Variants in SGCZ observed in about 807,000 individuals in gnomAD.
The protein encoded by SGCZ is sarcoglycan zeta, also known as zeta-sarcoglycan.
SGCZ carries 40 observed loss-of-function variants against 41.3 expected under a neutral mutation model. The observed-to-expected ratio is 0.97, with a 90% CI of 0.75 to 1.26. The LOEUF is 1.26. Ranked by LOEUF, SGCZ falls within the 50% of genes most tolerant of loss-of-function variation. SGCZ has a pLI of 0.00. For missense variants in SGCZ, 552 were observed against 369.8 expected, an observed-to-expected ratio of 1.49 and a Z score of -4.04; for synonymous variants, 206 against 137.5, an observed-to-expected ratio of 1.50 and a Z score of -3.49.
At chr8:14,709,540 G>T (rs987266254) in intron 1 of SGCZ, among the ~76,000 whole-genome samples, 2 of 152,122 alleles carry the variant, frequency 1.3e-5, no homozygotes, top group Non-Finnish European at 2.9e-5. Flanking sequence ...TCAGTCAATA[G>T]GTTTGCTAAT....
chr8:14,513,326 C>T (rs1008911064), intron 2 of SGCZ, among the ~76,000 whole-genome samples: 1 of 152,108 alleles, frequency 6.6e-6, no homozygotes, highest in African/African-American at 2.4e-5. Flanking sequence ...GCATGAGCCA[C>T]AGTGCCAAAC....
intron 1 of SGCZ, among the ~76,000 whole-genome samples, chr8:15,120,120 C>T (rs1807424836): frequency 6.6e-6 from 1 of 152,230 alleles, no homozygotes. Context: ...TGTTGGGTTA[C>T]AGGCATGAGC....
intron 1 of SGCZ, among the ~76,000 whole-genome samples, chr8:14,722,829 T>C (rs577852508): frequency 8.3e-4 from 126 of 152,302 alleles, no homozygotes; most frequent in Non-Finnish European, 1.3e-3. Context: ...TTTTTATGTA[T>C]ATTTATATAA....
chr8:15,104,210 A>G (rs1179532919), intron 1 of SGCZ, among the ~76,000 whole-genome samples: 1 of 152,214 alleles, frequency 6.6e-6, no homozygotes, highest in Non-Finnish European at 1.5e-5. Flanking sequence ...CCTCAAAACA[A>G]TCCCTTGCAC....
Position 15,186,262 on chromosome 8 carries a change from CAAAAAAAAAAAAAA to C in SGCZ, c.39+51309_39+51322del, listed in dbSNP as rs61237091. On this transcript the variant is annotated intron_variant, in intron 1 of 7. Coordinates refer to ENST00000382080, the MANE Select transcript of SGCZ (RefSeq NM_139167.4). Reference sequence around the variant, plus strand: ...GGGCAACAGAGGGAAGATTCCGTACCAAAAAAAAAAAAAAAAAAAAAAAAAAAAAAAAAAAAAAG... The same window carrying C: ...GGGCAACAGAGGGAAGATTCCGTACCAAAAAAAAAAAAAAAAAAAAAAAAG... Among the ~76,000 whole-genome samples, 370 of 80,648 alleles carry C rather than the reference CAAAAAAAAAAAAAA, an allele frequency of 4.6e-3. 3 individuals are homozygous for C. Among genetic ancestry groups the C allele is most frequent in the African/African-American group, 0.021 (317 of 15,382 alleles). 52.9% of individuals were successfully genotyped at this position (80,648 alleles called of 152,430 possible).
intron 1 of SGCZ, among the ~76,000 whole-genome samples, chr8:14,765,149 C>T: frequency 6.6e-6 from 1 of 152,144 alleles, no homozygotes; most frequent in East Asian, 1.9e-4. Flanking sequence ...ACCCACAATC[C>T]CGGGAAAGCT....
At chr8:14,390,812 G>C (rs1804744396) in intron 2 of SGCZ, among the ~76,000 whole-genome samples, 1 of 151,890 alleles carries the variant, frequency 6.6e-6, no homozygotes, top group Non-Finnish European at 1.5e-5. Context: ...TCTAAAGCGT[G>C]TATATTTTTC....
chr8:15,072,897 G>A (rs1805405436), intron 1 of SGCZ, among the ~76,000 whole-genome samples: 1 of 152,126 alleles, frequency 6.6e-6, no homozygotes, highest in African/African-American at 2.4e-5. Context: ...TCTCTCTAGG[G>A]TCCAGAAAGA....
intron 1 of SGCZ, among the ~76,000 whole-genome samples, chr8:14,754,793 C>T (rs182947312): frequency 6.6e-6 from 1 of 152,230 alleles, no homozygotes; most frequent in East Asian, 1.9e-4. Context: ...CTGCAACCTT[C>T]CTGGGCTCAA....
intron 1 of SGCZ, among the ~76,000 whole-genome samples, chr8:15,135,445 C>T (rs1406333871): frequency 6.6e-6 from 1 of 152,134 alleles, no homozygotes; most frequent in Non-Finnish European, 1.5e-5. Context: ...TTTCCTAGCA[C>T]ATGAAGAAAA....
chr8:14,198,899 C>T (rs993747692), intron 4 of SGCZ, among the ~76,000 whole-genome samples: 1 of 152,134 alleles, frequency 6.6e-6, no homozygotes, highest in Admixed American at 6.5e-5. Context: ...CTATGGCTGT[C>T]TTTACTTTAA....
At chr8:14,507,887 T>G (rs985142175) in intron 2 of SGCZ, among the ~76,000 whole-genome samples, 1 of 151,484 alleles carries the variant, frequency 6.6e-6, no homozygotes, top group African/African-American at 2.4e-5. Context: ...TTCTCCTGCC[T>G]CAGCCTTTCT....
rs268347 is a variant in SGCZ at position 15,222,791 on chromosome 8, G to T, written c.39+14794C>A. Among the ~76,000 whole-genome samples, 641 of 151,958 alleles carry T rather than the reference G, an allele frequency of 4.2e-3. 6 individuals carry two copies. Among genetic ancestry groups the T allele is most frequent in the African/African-American group, 0.015 (606 of 41,450 alleles). Reference sequence around the variant, plus strand: ...TGTGTCTGTGTGTGTGTGTATGCGTGCATGTGTGGGTGTGTGTGTGTGTGA... The same window carrying T: ...TGTGTCTGTGTGTGTGTGTATGCGTTCATGTGTGGGTGTGTGTGTGTGTGA... On this transcript the variant is annotated intron_variant, in intron 1 of 7. Transcript: ENST00000382080.
At chr8:14,490,258 C>G (rs1376854240) in intron 2 of SGCZ, among the ~76,000 whole-genome samples, 1 of 152,168 alleles carries the variant, frequency 6.6e-6, no homozygotes, top group Non-Finnish European at 1.5e-5. Flanking sequence ...CACAATCACA[C>G]TCAGCTTGAT....
intron 1 of SGCZ, among the ~76,000 whole-genome samples, chr8:14,902,317 C>T (rs1388996077): frequency 1.3e-5 from 2 of 152,020 alleles, no homozygotes; most frequent in Admixed American, 1.3e-4. Flanking sequence ...CAGTTTGATC[C>T]TCTCTGCTGA....
chr8:14,431,433 G>A (rs1158881400), intron 2 of SGCZ, among the ~76,000 whole-genome samples: 1 of 151,138 alleles, frequency 6.6e-6, no homozygotes, highest in African/African-American at 2.4e-5. Context: ...AAGACATGAA[G>A]TGGGGAGAAG....
At chr8:14,350,116 G>T (rs956284394) in intron 2 of SGCZ, among the ~76,000 whole-genome samples, 1 of 152,004 alleles carries the variant, frequency 6.6e-6, no homozygotes, top group African/African-American at 2.4e-5. Context: ...GTCTTTGGAA[G>T]GTGAACGATA....
intron 1 of SGCZ, among the ~76,000 whole-genome samples, chr8:14,817,727 G>A (rs1801950384): frequency 6.6e-6 from 1 of 152,178 alleles, no homozygotes; most frequent in South Asian, 2.1e-4. Context: ...TGGAGAAGCT[G>A]CTAAATAGCC....
intron 2 of SGCZ, among the ~76,000 whole-genome samples, chr8:14,482,058 T>A (rs1801549844): frequency 6.6e-6 from 1 of 152,174 alleles, no homozygotes; most frequent in Non-Finnish European, 1.5e-5. Flanking sequence ...GCAGGAGGAC[T>A]AAGCGAGTAT....
Sources: gnomAD v4.1 joint callset for allele counts (sites outside exome capture counted in the v4.1 genomes callset) on GRCh38, gnomAD v4.1.1 for gene constraint, MANE v1.5 for transcripts, NCBI Gene and HGNC (gene_info 2026-07-23, HGNC 2026-07-21) for gene names.